TPRG1: variants seen among roughly 807,000 people sequenced by gnomAD.
The protein encoded by TPRG1 is tumor protein p63-regulated gene 1 protein.
TPRG1 carries 29 observed loss-of-function variants against 29.3 expected under a neutral mutation model. The ratio of observed to expected loss-of-function variants is 0.99; its 90% CI spans 0.74 to 1.35. The LOEUF is 1.35. Among genes scored for constraint, TPRG1 ranks in the 40% most tolerant of loss-of-function variants. The probability of loss-of-function intolerance (pLI) is 0.00; values close to 1 mark genes in which losing one functional copy is unlikely to be tolerated. For missense variants in TPRG1, 327 were observed against 335.0 expected (o/e 0.98, Z 0.19); for synonymous variants, 130 against 116.8 (o/e 1.11, Z -0.73).
chr3:189,203,154 A>G (rs748189324), intron 1 of TPRG1, among the ~76,000 whole-genome samples: 26 of 152,192 alleles, frequency 1.7e-4, no homozygotes, highest in Non-Finnish European at 2.9e-4. Flanking sequence ...AAAAATTCTC[A>G]GAGAGATAGA....
At chr3:189,078,263 G>A (rs544356952) in intron 4 of TPRG1, among the ~76,000 whole-genome samples, 7 of 150,838 alleles carry the variant, frequency 4.6e-5, no homozygotes, top group East Asian at 1.9e-4. Context: ...TCACCCTCCC[G>A]AGTAGCTGGG....
At chr3:189,004,185 G>C (rs552055777) in intron 2 of TPRG1, among the ~76,000 whole-genome samples, 1 of 151,896 alleles carries the variant, frequency 6.6e-6, no homozygotes, top group Non-Finnish European at 1.5e-5. Flanking sequence ...AAAATTTAAC[G>C]TTTATCTGTA....
intron 1 of TPRG1, among the ~76,000 whole-genome samples, chr3:189,100,566 A>G (rs1423777415): frequency 6.6e-6 from 1 of 152,198 alleles, no homozygotes; most frequent in African/African-American, 2.4e-5. Context: ...TGTGTCTTCC[A>G]TTGCAAAATG....
At chr3:189,096,815 G>A (rs536199363), upstream of TPRG1, among the ~76,000 whole-genome samples, 1 of 152,278 alleles carries the variant, frequency 6.6e-6, no homozygotes, top group Admixed American at 6.5e-5. Context: ...AGTAGATGAA[G>A]AAAATTCTGC....
rs73184437 is a variant in TPRG1 at position 189,175,946 on chromosome 3, A to G, written c.-10+3815A>G. ...CTTTGGTCTGGGAAGCAGTCACTCT[A>G]TAAGGAACAGGCATAGAAGATTCTT... On this transcript the variant is annotated intron_variant, in intron 1 of 5. Coordinates refer to ENST00000345063, the MANE Select transcript of TPRG1 (RefSeq NM_198485.4). Among the ~76,000 whole-genome samples, 795 of 152,298 alleles carry G rather than the reference A, an allele frequency of 5.2e-3. 3 individuals are homozygous for G. The highest frequency in any genetic ancestry group is 0.02 in the Middle Eastern group (6 of 294).
At chr3:189,008,129 G>A (rs937803214) in intron 3 of TPRG1, among the ~76,000 whole-genome samples, 2 of 151,614 alleles carry the variant, frequency 1.3e-5, no homozygotes, top group African/African-American at 2.4e-5. Flanking sequence ...AATGGAGACA[G>A]CAGGCATCAG....
chr3:189,060,100 C>T (rs7615361), intron 4 of TPRG1, among the ~76,000 whole-genome samples: 5,470 of 152,114 alleles, frequency 0.036, 321 homozygotes, highest in African/African-American at 0.13. Context: ...GGTGTGGTGG[C>T]GCATGCCTGT....
At chr3:189,125,160 A>T (rs1400659274) in intron 1 of TPRG1, among the ~76,000 whole-genome samples, 1 of 152,200 alleles carries the variant, frequency 6.6e-6, no homozygotes, top group African/African-American at 2.4e-5. Flanking sequence ...TATTGTTTTT[A>T]ATGTTTACTT....
In TPRG1 at chr3:189,128,060, A is replaced by C. The variant is rs58572232; in HGVS notation, c.-590+850A>C. 6.4e-3 allele frequency among the ~76,000 whole-genome samples: 982 copies of C among 152,362 alleles called. 13 individuals carry two copies. The highest frequency in any genetic ancestry group is 0.022 in the African/African-American group (926 of 41,588). The stretch of plus-strand genomic sequence containing the variant: ...TCCTCACAGCTTAAAAAATCTGCAC[A>C]GTATTTTTATCATTGGGCTTTTGTG... On this transcript the variant is annotated intron_variant, in intron 2 of 6. Transcript: ENST00000412373.
At chr3:189,204,079 T>C (rs1017743301) in intron 1 of TPRG1, among the ~76,000 whole-genome samples, 2 of 151,822 alleles carry the variant, frequency 1.3e-5, no homozygotes, top group African/African-American at 4.8e-5. Flanking sequence ...ATCATTTACT[T>C]TTTCTAAGTT....
chr3:189,164,688 T>C (rs1453979691), intron 5 of TPRG1, among the ~76,000 whole-genome samples: 1 of 152,026 alleles, frequency 6.6e-6, no homozygotes, highest in African/African-American at 2.4e-5. Flanking sequence ...ATCACAGCAT[T>C]CCATGAATAT....
chr3:189,066,381 G>A (rs1716448648), intron 4 of TPRG1, among the ~76,000 whole-genome samples: 2 of 151,886 alleles, frequency 1.3e-5, no homozygotes, highest in Admixed American at 6.6e-5. Context: ...AAAACTACAG[G>A]CCAATATCGC....
chr3:189,207,402 T>C lies in TPRG1; in HGVS notation c.18T>C (p.Ser6=). The part of the protein sequence containing the change: MSTIG[S]FEGFQAVSLK... ...CTGAAGAAATGTCAACAATTGGGAG[T>C]TTTGAAGGATTCCAGGCTGTGTCTC... The change falls in exon 2 of 6, where the codon AGT becomes AGC. Residue 6 remains serine (S), a synonymous_variant. Transcript: ENST00000345063. 1 of 1,613,586 alleles carries C rather than the reference T, an allele frequency of 6.2e-7. No individual in the cohort carries two copies. The highest frequency in any genetic ancestry group is 8.5e-7 in the Non-Finnish European group (1 of 1,179,868).
At chr3:189,146,565 T>C (rs2108585844) in intron 3 of TPRG1, among the ~76,000 whole-genome samples, 1 of 152,350 alleles carries the variant, frequency 6.6e-6, no homozygotes, top group South Asian at 2.1e-4. Flanking sequence ...CTGTCTGTTG[T>C]ATCTTGTACA....
At chr3:189,313,464 C>T (rs1202295593) in intron 5 of TPRG1, among the ~76,000 whole-genome samples, 3 of 152,028 alleles carry the variant, frequency 2.0e-5, no homozygotes, top group African/African-American at 7.2e-5. Flanking sequence ...AAATGCATAA[C>T]TAAATCAAAA....
intron 1 of TPRG1, chr3:189,123,542 A>G (rs770956218): frequency 1.3e-5 from 2 of 152,172 alleles, no homozygotes; most frequent in Admixed American, 1.3e-4. Context: ...CCTTAACAAA[A>G]TGCTTTCTCT....
At chr3:189,048,983 T>C (rs1374945299) in intron 4 of TPRG1, among the ~76,000 whole-genome samples, 1 of 152,040 alleles carries the variant, frequency 6.6e-6, no homozygotes, top group Non-Finnish European at 1.5e-5. Context: ...AGAAAGGCCT[T>C]GAGAGCTCGC....
intron 1 of TPRG1, among the ~76,000 whole-genome samples, chr3:189,114,796 C>G (rs1720976239): frequency 6.6e-6 from 1 of 151,950 alleles, no homozygotes; most frequent in African/African-American, 2.4e-5. Context: ...AATAGAAATG[C>G]TATAGAAATT....
At chr3:189,129,152 C>T (rs1221287697) in intron 2 of TPRG1, among the ~76,000 whole-genome samples, 2 of 152,128 alleles carry the variant, frequency 1.3e-5, no homozygotes, top group Non-Finnish European at 2.9e-5. Flanking sequence ...CTTTCTTATT[C>T]CTAGGCTCCA....
Sources: allele counts gnomAD v4.1 joint callset (sites outside exome capture counted in the v4.1 genomes callset), GRCh38; gene constraint gnomAD v4.1.1; transcripts MANE v1.5; gene names NCBI Gene and HGNC (gene_info 2026-07-23, HGNC 2026-07-21).